Variants in GPHN observed in about 807,000 individuals in gnomAD.
GPHN encodes gephyrin.
GPHN carries 17 observed loss-of-function variants against 95.5 expected under a neutral mutation model. The observed-to-expected ratio is 0.18, with a 90% CI of 0.12 to 0.27. The LOEUF (loss-of-function observed/expected upper bound fraction) is 0.27. Among genes scored for constraint, GPHN ranks in the 10% least tolerant of loss-of-function variants. The pLI is 1.00. For missense variants in GPHN, 660 were observed against 978.1 expected (o/e 0.67, Z 4.34); for synonymous variants, 320 against 322.5 (o/e 0.99, Z 0.08).
chr14:67,075,992 A>C (rs2076478490), intron 11 of GPHN, among the ~76,000 whole-genome samples: 2 of 152,218 alleles, frequency 1.3e-5, no homozygotes, highest in African/African-American at 2.4e-5. Flanking sequence ...TCCAATTTTC[A>C]AAGAAGTTCT....
the GPHN span, among the ~76,000 whole-genome samples, chr14:67,395,856 A>G: frequency 2.0e-5 from 3 of 152,124 alleles, no homozygotes; most frequent in East Asian, 5.8e-4. Context: ...CTCTTCTAGA[A>G]CCACACAGAT....
At chr14:67,238,523 G>C in the GPHN span, among the ~76,000 whole-genome samples, 84 of 152,116 alleles carry the variant, frequency 5.5e-4, no homozygotes, top group Non-Finnish European at 8.5e-4. Flanking sequence ...TCCCGCTTTG[G>C]CATCCCAAAG....
At chr14:67,575,991 A>C in the GPHN span, 2 of 1,611,716 alleles carry the variant, frequency 1.2e-6, no homozygotes, top group African/African-American at 1.3e-5. Context: ...CCTCATTGGC[A>C]CCAAGCATGA....
In GPHN at chr14:66,742,117, C is replaced by G. The variant is rs143000112; in HGVS notation, c.144-34347C>G. Among the ~76,000 whole-genome samples the G allele has an allele frequency of 3.8e-4, 58 of 152,286 alleles. 1 individual carries two copies. In the East Asian group the frequency reaches 0.011, roughly 28 times the overall value. On this transcript the variant is annotated intron_variant, in intron 2 of 22. Coordinates refer to ENST00000478722, the MANE Select transcript of GPHN (RefSeq NM_020806.5). ...TCAAAACACTCTAACAACACTTTTCCAAAAGGAACTCTTTTGCCTTGTTAG... is the reference window on the plus strand; with the variant it reads ...TCAAAACACTCTAACAACACTTTTCGAAAAGGAACTCTTTTGCCTTGTTAG...
At chr14:67,009,652 T>TA (rs1323319896) in intron 9 of GPHN, among the ~76,000 whole-genome samples, 1 of 152,112 alleles carries the variant, frequency 6.6e-6, no homozygotes, top group Non-Finnish European at 1.5e-5. Context: ...CACAATTGAG[T>TA]AAAACTGATT....
chr14:66,872,969 T>C (rs1022753907), intron 4 of GPHN, among the ~76,000 whole-genome samples: 2 of 151,904 alleles, frequency 1.3e-5, no homozygotes, highest in Admixed American at 1.3e-4. Flanking sequence ...AATTTTTTAT[T>C]TAAAAAAGAC....
intron 11 of GPHN, among the ~76,000 whole-genome samples, chr14:67,082,503 T>A (rs1292416298): frequency 6.6e-6 from 1 of 152,208 alleles, no homozygotes; most frequent in African/African-American, 2.4e-5. Context: ...TGTCTGTTTA[T>A]GCCAGTACCA....
the GPHN span, chr14:67,578,176 C>A: frequency 6.2e-7 from 1 of 1,613,920 alleles, no homozygotes; most frequent in East Asian, 2.2e-5. This position sits in a 1 kb window ranked among gnomAD's most constrained non-coding sequence, Gnocchi z 5.0. Flanking sequence ...CTGCCGCCCA[C>A]CTCAGAAGTA....
chr14:67,078,193 C>T (rs942814628), intron 11 of GPHN, among the ~76,000 whole-genome samples: 3 of 152,086 alleles, frequency 2.0e-5, no homozygotes, highest in South Asian at 2.1e-4. Flanking sequence ...TGCAAATTCC[C>T]GACATCAAAT....
intron 2 of GPHN, among the ~76,000 whole-genome samples, chr14:66,761,954 G>A (rs1301773963): frequency 6.6e-6 from 1 of 152,092 alleles, no homozygotes; most frequent in Non-Finnish European, 1.5e-5. Context: ...TTTAACTTGC[G>A]ATTCCTGGTA....
At chr14:67,116,245 G>C (rs1275630445) in intron 16 of GPHN, among the ~76,000 whole-genome samples, 1 of 150,252 alleles carries the variant, frequency 6.7e-6, no homozygotes, top group Non-Finnish European at 1.5e-5. Flanking sequence ...ACTACAGCCT[G>C]GGAAACAGAG....
chr14:67,324,339 TA>T, the GPHN span, among the ~76,000 whole-genome samples: 1 of 152,224 alleles, frequency 6.6e-6, no homozygotes, highest in African/African-American at 2.4e-5. Flanking sequence ...ATGTTATTAA[TA>T]AGACAGCATT....
the GPHN span, among the ~76,000 whole-genome samples, chr14:67,394,891 T>C: frequency 3.9e-5 from 6 of 152,130 alleles, no homozygotes; most frequent in Non-Finnish European, 7.4e-5. Context: ...CATGTTAGCA[T>C]GCTCAGCCCC....
intron 1 of GPHN, among the ~76,000 whole-genome samples, chr14:66,626,819 T>A (rs2063545826): frequency 6.6e-6 from 1 of 152,084 alleles, no homozygotes; most frequent in Non-Finnish European, 1.5e-5. Context: ...GATTCATGTC[T>A]ACTGGAGATG....
chr14:66,594,667 C>T (rs2061898436), intron 1 of GPHN, among the ~76,000 whole-genome samples: 1 of 152,126 alleles, frequency 6.6e-6, no homozygotes, highest in Admixed American at 6.5e-5. Flanking sequence ...TATAAATCAT[C>T]TCAAAATGGA....
At chr14:66,763,208 A>AT (rs34269319) in intron 2 of GPHN, among the ~76,000 whole-genome samples, 229 of 145,682 alleles carry the variant, frequency 1.6e-3, no homozygotes, top group Non-Finnish European at 1.8e-3. Context: ...TATTACAACT[A>AT]TTTTTTTTTT....
intron 1 of GPHN, among the ~76,000 whole-genome samples, chr14:66,575,463 T>C (rs1216200054): frequency 6.6e-6 from 1 of 152,248 alleles, no homozygotes; most frequent in African/African-American, 2.4e-5. Context: ...TAGAGTCATT[T>C]AGTAGTACAT....
the GPHN span, chr14:67,312,623 C>A: frequency 6.2e-7 from 1 of 1,613,542 alleles, no homozygotes; most frequent in African/African-American, 1.3e-5. Context: ...TGATATACTT[C>A]ATGTGATCAG....
intron 17 of GPHN, among the ~76,000 whole-genome samples, chr14:67,125,325 G>A (rs2079235145): frequency 6.6e-6 from 1 of 152,096 alleles, no homozygotes. Context: ...TTCTGTGAAG[G>A]CTACCCTCCT....
Sources: gnomAD v4.1 joint callset for allele counts (sites outside exome capture counted in the v4.1 genomes callset) on GRCh38, gnomAD v4.1.1 for gene constraint, Gnocchi (gnomAD v3.1) non-coding constraint, MANE v1.5 for transcripts, NCBI Gene and HGNC (gene_info 2026-07-23, HGNC 2026-07-21) for gene names.